Variants in ADAMTS7 observed in about 807,000 individuals in gnomAD.
ADAMTS7 encodes the protein A disintegrin and metalloproteinase with thrombospondin motifs 7.
ADAMTS7 carries 89 observed loss-of-function variants against 172.6 expected under a neutral mutation model. The observed-to-expected ratio is 0.52, with a 90% confidence interval of 0.43 to 0.61. The LOEUF is 0.61. Among genes scored for constraint, ADAMTS7 ranks in the 20% least tolerant of loss-of-function variants. The pLI, the probability that ADAMTS7 is intolerant of heterozygous loss-of-function variation, is 0.00. For missense variants in ADAMTS7, 1,973 were observed against 2,355.6 expected (o/e 0.84, Z 3.36); for synonymous variants, 885 against 978.4 (o/e 0.90, Z 1.78).
In ADAMTS7 at chr15:78,759,352, G is replaced by T. The variant is rs2055002251; in HGVS notation, c.*69C>A. On this transcript the variant is annotated 3_prime_UTR_variant, in exon 24 of 24. Coordinates refer to ENST00000388820, the MANE Select transcript of ADAMTS7 (RefSeq NM_014272.5). Reference sequence around the variant, plus strand: ...GGGTTAGCACCATTAGGGCGCAGGGGGCGGGAGCTCCGCCACAGCCCGTGG... The same window carrying T: ...GGGTTAGCACCATTAGGGCGCAGGGTGCGGGAGCTCCGCCACAGCCCGTGG... 3.4e-6 allele frequency: 5 copies of T among 1,480,648 alleles called. No homozygotes were observed. The highest frequency in any genetic ancestry group is 2.4e-5 in the East Asian group (1 of 41,078). 91.7% of individuals were successfully genotyped at this position (1,480,648 alleles called of 1,614,324 possible).
chr15:78,774,765 C>G lies in ADAMTS7; in HGVS notation c.1735G>C (p.Gly579Arg), dbSNP rs1047746375. Residue 579 changes from glycine to arginine, a missense_variant, in exon 12 of 24, where the codon GGT (glycine) becomes CGT (arginine). Coordinates refer to ENST00000388820, the MANE Select transcript of ADAMTS7 (RefSeq NM_014272.5). ...TPKYKGRYCVGERKRFRLCNL... is the reference protein window; with the variant it reads ...TPKYKGRYCVRERKRFRLCNL... Reference sequence around the variant, plus strand: ...CAGAGGCGGAAGCGCTTGCGCTCACCCACACAGTATCTGCCTTTGTATTTG... The same window carrying G: ...CAGAGGCGGAAGCGCTTGCGCTCACGCACACAGTATCTGCCTTTGTATTTG... 2 of 1,609,848 alleles carry G rather than the reference C, an allele frequency of 1.2e-6. No individual in the cohort carries two copies. Among genetic ancestry groups the G allele is most frequent in the East Asian group, 4.5e-5 (2 of 44,826 alleles).
chr15:78,802,595 T>G (rs893667004), intron 1 of ADAMTS7, among the ~76,000 whole-genome samples: 29 of 152,204 alleles, frequency 1.9e-4, no homozygotes, highest in African/African-American at 6.5e-4. Flanking sequence ...TAAAAACCCC[T>G]CTCTGTTGCT....
In ADAMTS7 at chr15:78,788,337, C is replaced by T. The variant is rs771066445; in HGVS notation, c.1216G>A (p.Glu406Lys). 7 of 1,613,266 alleles carry T rather than the reference C, an allele frequency of 4.3e-6. No individual in the cohort carries two copies. Among genetic ancestry groups the T allele is most frequent in the Non-Finnish European group, 5.9e-6 (7 of 1,180,014 alleles). The change falls in exon 8 of 24, where the codon GAG (glutamate) becomes AAG (lysine). Residue 406 changes from glutamate to lysine, a missense_variant. By Grantham distance (56) the Glu-to-Lys change is moderately conservative (BLOSUM62 1). Around this residue, in one of 8 missense-constraint regions of ADAMTS7, gnomAD observed 526 missense variants for 662.9 expected, o/e 0.79. Transcript: ENST00000388820. Reference sequence around the variant, plus strand: ...ATGAAAGGTCGTTTCCCAACGGGCTCACAGTCATTGCCGCTTCCGTCATGC... The same window carrying T: ...ATGAAAGGTCGTTTCCCAACGGGCTTACAGTCATTGCCGCTTCCGTCATGC... ...IQHDGSGNDC[E>K]PVGKRPFIMS...
chr15:78,796,768 G>A lies in ADAMTS7; in HGVS notation c.641C>T (p.Ser214Phe), dbSNP rs1273564171. 1.9e-6 allele frequency: 3 copies of A among 1,611,020 alleles called. No individual in the cohort carries two copies. Among genetic ancestry groups the A allele is most frequent in the East Asian group, 4.5e-5 (2 of 44,884 alleles). Residue 214 changes from serine (S) to phenylalanine (F), a missense_variant, in exon 4 of 24, where the codon TCT becomes TTT. This residue lies in a region of ADAMTS7 where 526 missense variants were observed against 662.9 expected (regional missense o/e 0.79). Coordinates refer to ENST00000388820, the MANE Select transcript of ADAMTS7 (RefSeq NM_014272.5). ...CGVQVYPELE[S>F]RRERWEQRQQ... ...CCGCTGCTCCCAACGCTCCCGTCGA[G>A]ACTCCAGCTCTGGGTACACTGGAGG...
chr15:78,779,672 C>T (rs1034248292), intron 8 of ADAMTS7, among the ~76,000 whole-genome samples: 6 of 152,128 alleles, frequency 3.9e-5, no homozygotes, highest in Non-Finnish European at 8.8e-5. Context: ...GGGCTCCCTC[C>T]TTCCCGCTAG....
intron 18 of ADAMTS7, 72 bp from the exon 19 acceptor site, chr15:78,767,123 G>T (rs1242017080): frequency 1.4e-6 from 2 of 1,459,364 alleles, no homozygotes; most frequent in African/African-American, 2.8e-5. Context: ...GCAAGGCTGG[G>T]TAACCTGTCC....
At chr15:78,796,871 T>A in intron 3 of ADAMTS7, 85 bp from the exon 4 acceptor site, 2 of 1,261,268 alleles carry the variant, frequency 1.6e-6, no homozygotes, top group South Asian at 1.5e-5. Flanking sequence ...GTGAGCTCTC[T>A]CTGGGGCACT....
At chr15:78,761,384 C>T (rs1262215336) in intron 23 of ADAMTS7, among the ~76,000 whole-genome samples, 6 of 152,240 alleles carry the variant, frequency 3.9e-5, no homozygotes, top group African/African-American at 9.6e-5. Context: ...CAGCTCTTCA[C>T]GCCACGGCTT....
intron 8 of ADAMTS7, among the ~76,000 whole-genome samples, chr15:78,785,975 G>C (rs1390542854): frequency 6.7e-6 from 1 of 150,278 alleles, no homozygotes; most frequent in African/African-American, 2.4e-5. Flanking sequence ...TGTTGCCCAG[G>C]TTGGAGTGCA....
At position 78,796,748 on chromosome 15, in the gene ADAMTS7, G is replaced by C; in HGVS notation, c.661C>G (p.Gln221Glu). 1 of 1,612,076 alleles carries C rather than the reference G, an allele frequency of 6.2e-7. No individual in the cohort carries two copies. Among genetic ancestry groups the C allele is most frequent in the South Asian group, 1.1e-5 (1 of 91,064 alleles). ...CGTGGCCGCCGCCACTGCTGCCGCTGCTCCCAACGCTCCCGTCGAGACTCC... is the reference window on the plus strand; with the variant it reads ...CGTGGCCGCCGCCACTGCTGCCGCTCCTCCCAACGCTCCCGTCGAGACTCC... ...ELESRRERWE[Q>E]RQQWRRPRLR... Residue 221 changes from glutamine to glutamate, a missense_variant, in exon 4 of 24, where the codon CAG (glutamine) becomes GAG (glutamate). Coordinates refer to ENST00000388820, the MANE Select transcript of ADAMTS7 (RefSeq NM_014272.5).
chr15:78,759,570 G>T lies in ADAMTS7; in HGVS notation c.4912C>A (p.Arg1638=). The T allele has an allele frequency of 6.3e-7, 1 of 1,584,326 alleles. No individual in the cohort carries two copies. The highest frequency in any genetic ancestry group is 8.5e-7 in the Non-Finnish European group (1 of 1,171,142). ...CEPVEPPRCE[R]DRLSFGFCET... ...CAGAACCCGAAGGACAGGCGGTCCC[G>T]CTCACAGCCTGGAGTGGGGGGGCAG... The change falls in exon 24 of 24, where the codon CGG becomes AGG. Residue 1638 remains arginine (R), a synonymous_variant. Transcript: ENST00000388820.
intron 23 of ADAMTS7, among the ~76,000 whole-genome samples, chr15:78,760,577 G>A (rs1350397242): frequency 6.6e-6 from 1 of 152,100 alleles, no homozygotes; most frequent in African/African-American, 2.4e-5. Flanking sequence ...TTCACCTCTT[G>A]GGCCTCGGTT....
Position 78,771,883 on chromosome 15 carries a change from C to A in ADAMTS7, c.2132-54G>T. On this transcript the variant is annotated intron_variant, in intron 14 of 23. Transcript: ENST00000388820. This position sits in a 1 kb window ranked among gnomAD's most constrained non-coding sequence, Gnocchi z 4.9. ...TGCCCAGGGTGAGAGGGTTGCTTATCCCCACCCGCTCCCCTCATGTCTCTC... is the reference window on the plus strand; with the variant it reads ...TGCCCAGGGTGAGAGGGTTGCTTATACCCACCCGCTCCCCTCATGTCTCTC... 6.4e-7 allele frequency: 1 copy of A among 1,574,526 alleles called. No homozygotes were observed. The highest frequency in any genetic ancestry group is 8.6e-7 in the Non-Finnish European group (1 of 1,164,950).
intron 16 of ADAMTS7, among the ~76,000 whole-genome samples, chr15:78,769,762 C>T (rs1192349606): frequency 6.6e-6 from 1 of 152,266 alleles, no homozygotes; most frequent in Non-Finnish European, 1.5e-5. Context: ...TCTGCAGATG[C>T]TCCCAAGTGG....
Position 78,790,718 on chromosome 15 carries a change from T to C in ADAMTS7, c.980A>G (p.Lys327Arg), listed in dbSNP as rs549474451. ...ATGGTGCAGGGGATGGGCATCCCCC[T>C]TCATGTTGATGCTTTTCTGCCACTT... ...FCKWQKSINM[K>R]GDAHPLHHDT... The change falls in exon 6 of 24, where the codon AAG becomes AGG. Residue 327 changes from lysine (K) to arginine (R), a missense_variant. By Grantham distance (26) the Lys-to-Arg change is conservative (BLOSUM62 2). Coordinates refer to ENST00000388820, the MANE Select transcript of ADAMTS7 (RefSeq NM_014272.5). The C allele has an allele frequency of 1.5e-5, 24 of 1,614,040 alleles. No homozygotes were observed. In the East Asian group the frequency reaches 2.5e-4, roughly 16 times the overall value.
chr15:78,767,720 G>T, intron 17 of ADAMTS7, 128 bp from the exon 18 acceptor site: 1 of 870,952 alleles, frequency 1.1e-6, no homozygotes, highest in Non-Finnish European at 1.7e-6. Context: ...GAGGCCAGTG[G>T]TTGATTCTCC....
chr15:78,786,017 C>T (rs2055496896), intron 8 of ADAMTS7, among the ~76,000 whole-genome samples: 1 of 150,400 alleles, frequency 6.6e-6, no homozygotes, highest in Non-Finnish European at 1.5e-5. Flanking sequence ...GCAACCTCCG[C>T]CTCCTGGGTT....
At chr15:78,763,282 C>T (rs746602164) in intron 22 of ADAMTS7, among the ~76,000 whole-genome samples, 1 of 152,230 alleles carries the variant, frequency 6.6e-6, no homozygotes, top group Non-Finnish European at 1.5e-5. Flanking sequence ...TTTCTGAACC[C>T]CTCAGTTCCA....
intron 4 of ADAMTS7, among the ~76,000 whole-genome samples, chr15:78,793,787 C>A (rs2141514330): frequency 6.6e-6 from 1 of 152,274 alleles, no homozygotes; most frequent in Admixed American, 6.5e-5. Flanking sequence ...TCCTTCTGGC[C>A]CACCCCGGCC....
Sources: gnomAD v4.1 joint callset for allele counts (sites outside exome capture counted in the v4.1 genomes callset) on GRCh38, gnomAD v4.1.1 for gene constraint, gnomAD v4.1.1 regional missense constraint, Gnocchi (gnomAD v3.1) non-coding constraint, MANE v1.5 for transcripts, NCBI Gene and HGNC (gene_info 2026-07-23, HGNC 2026-07-21) for gene names.